The following RPGRIP1L variants were observed in gnomAD, a reference collection of about 807,000 sequenced individuals.
RPGRIP1L encodes RPGRIP1 like.
RPGRIP1L carries 131 observed loss-of-function variants against 160.4 expected under a neutral mutation model. That is an observed-to-expected ratio of 0.82 (90% CI 0.71 to 0.94). The LOEUF is 0.94. Ranked by LOEUF, RPGRIP1L falls within the 40% of genes least tolerant of loss-of-function variation. The probability of loss-of-function intolerance (pLI) is 0.00; values close to 1 mark genes in which losing one functional copy is unlikely to be tolerated. For missense variants in RPGRIP1L, 1,522 were observed against 1,535.8 expected (o/e 0.99, Z 0.15); for synonymous variants, 510 against 515.8 (o/e 0.99, Z 0.15).
chr16:53,624,213 C>A (rs1188454849), intron 22 of RPGRIP1L, among the ~76,000 whole-genome samples: 1 of 152,092 alleles, frequency 6.6e-6, no homozygotes, highest in Non-Finnish European at 1.5e-5. Context: ...TTATTTATTG[C>A]CAGAACTATG....
chr16:53,602,152 T>C lies in RPGRIP1L; in HGVS notation c.3872A>G (p.Lys1291Arg). ...GAGAGCTTCGACTGTTACCCTGAGC[T>C]TGCCAATACCTTCACCATCTGCTCG... ...DARADGEGIG[K>R]LRVTVEALHA... Residue 1291 changes from lysine to arginine, a missense_variant, in exon 27 of 27, where the codon AAG becomes AGG. Physicochemically the swap from Lys to Arg is conservative, Grantham distance 26. Transcript: ENST00000647211. 6.2e-7 allele frequency: 1 copy of C among 1,613,910 alleles called. No homozygotes were observed.
intron 6 of RPGRIP1L, among the ~76,000 whole-genome samples, chr16:53,681,838 G>A (rs941754814): frequency 2.0e-5 from 3 of 152,164 alleles, no homozygotes; most frequent in Non-Finnish European, 4.4e-5. Flanking sequence ...TTACAACTAC[G>A]TTAGGTTCAT....
intron 9 of RPGRIP1L, among the ~76,000 whole-genome samples, chr16:53,669,935 G>A (rs1209806363): frequency 6.6e-6 from 1 of 152,010 alleles, no homozygotes; most frequent in Non-Finnish European, 1.5e-5. Flanking sequence ...GTGTGACTCT[G>A]CACAAGTCTT....
chr16:53,603,211 C>T (rs572295863), intron 26 of RPGRIP1L, among the ~76,000 whole-genome samples: 4 of 152,280 alleles, frequency 2.6e-5, no homozygotes, highest in East Asian at 3.9e-4. Flanking sequence ...AATGGGATGC[C>T]GATTCAATAC....
chr16:53,648,060 C>T (rs989886700), intron 16 of RPGRIP1L, among the ~76,000 whole-genome samples: 3 of 144,814 alleles, frequency 2.1e-5, no homozygotes, highest in Non-Finnish European at 3.0e-5. Flanking sequence ...GCAGAGATCA[C>T]GCCACTGCAC....
intron 1 of RPGRIP1L, 21 bp downstream of exon 1, chr16:53,703,782 C>T (rs918289951): frequency 8.6e-6 from 3 of 348,422 alleles, no homozygotes; most frequent in African/African-American, 2.1e-5. Flanking sequence ...CTCATCCTCC[C>T]CCATCCTCCC....
chr16:53,660,158 G>A (rs545991386), intron 10 of RPGRIP1L, among the ~76,000 whole-genome samples: 36 of 152,092 alleles, frequency 2.4e-4, no homozygotes, highest in Admixed American at 9.2e-4. Context: ...ATAATCTCAC[G>A]TACTTAAGTG....
At chr16:53,686,192 C>G (rs1460835769) in intron 6 of RPGRIP1L, among the ~76,000 whole-genome samples, 2 of 152,108 alleles carry the variant, frequency 1.3e-5, no homozygotes, top group Admixed American at 1.3e-4. Flanking sequence ...ACATAGAAAA[C>G]AAGATGAGGG....
At chr16:53,665,320 C>T (rs1444962874) in intron 9 of RPGRIP1L, among the ~76,000 whole-genome samples, 3 of 152,138 alleles carry the variant, frequency 2.0e-5, no homozygotes, top group African/African-American at 7.2e-5. Context: ...CCAGAGGAAT[C>T]CACAATTCCA....
In RPGRIP1L at chr16:53,703,826, C is replaced by T. The variant is rs1052262878; in HGVS notation, c.-31G>A. ...ACCGTGCCACTGGCCCTGCAGCTAGCTACCGTTGCTATAGCGCCGACAGCG... is the reference window on the plus strand; with the variant it reads ...ACCGTGCCACTGGCCCTGCAGCTAGTTACCGTTGCTATAGCGCCGACAGCG... On this transcript the variant is annotated 5_prime_UTR_variant, in exon 1 of 27. Coordinates refer to ENST00000647211, the MANE Select transcript of RPGRIP1L (RefSeq NM_015272.5). 6.9e-6 allele frequency: 3 copies of T among 435,858 alleles called. No homozygotes were observed. Among genetic ancestry groups the T allele is most frequent in the African/African-American group, 6.0e-5 (3 of 49,984 alleles). 27.0% of individuals were successfully genotyped at this position (435,858 alleles called of 1,614,324 possible).
chr16:53,693,389 T>C (rs188679209), intron 3 of RPGRIP1L: 2 of 152,284 alleles, frequency 1.3e-5, no homozygotes, highest in East Asian at 3.9e-4. Context: ...AAAAGTGAAA[T>C]AAAAAAACCT....
chr16:53,647,914 C>A (rs1372704070), intron 16 of RPGRIP1L, among the ~76,000 whole-genome samples: 1 of 151,642 alleles, frequency 6.6e-6, no homozygotes, highest in African/African-American at 2.4e-5. Context: ...GACCATCCTG[C>A]CTAACACAGT....
chr16:53,641,606 C>G, intron 17 of RPGRIP1L, 131 bp from the exon 18 acceptor site: 2 of 791,478 alleles, frequency 2.5e-6, no homozygotes, highest in Middle Eastern at 3.6e-4. Context: ...GTGGTTGTAC[C>G]CCCTACTTTA....
chr16:53,612,913 T>C lies in RPGRIP1L; in HGVS notation c.3617-1862A>G, dbSNP rs1184642092. ...TCATTAATCAATAACTTTCCATTCT[T>C]CCCTCTTCTCAGCCCCTGGTAACCA... On this transcript the variant is annotated intron_variant, in intron 24 of 26. Transcript: ENST00000647211. Among the ~76,000 whole-genome samples the C allele has an allele frequency of 4.6e-5, 7 of 152,284 alleles. No homozygotes were observed. The South Asian group carries it at 1.0e-3, about 23-fold the overall frequency.
chr16:53,646,517 T>A (rs757465133), intron 16 of RPGRIP1L, among the ~76,000 whole-genome samples: 4 of 151,928 alleles, frequency 2.6e-5, no homozygotes, highest in African/African-American at 4.8e-5. Context: ...GAGACAAACC[T>A]TGAAGGGAAA....
At position 53,657,492 on chromosome 16, in the gene RPGRIP1L, G is replaced by A. The variant is rs750711521; in HGVS notation, c.1542C>T (p.Asn514=). The change falls in exon 13 of 27, where the codon AAC becomes AAT. Residue 514 remains asparagine, a synonymous_variant. Coordinates refer to ENST00000647211, the MANE Select transcript of RPGRIP1L (RefSeq NM_015272.5). ...TAATTTTGTGTTGCATAATTAGCAT[G>A]TTTCTTGTCTTTTCCAGCTCTTGCA... ...ETVQELEKTR[N]MLIMQHKINK... 18 of 1,612,822 alleles carry A rather than the reference G, an allele frequency of 1.1e-5. No homozygotes were observed. The South Asian group carries it at 1.9e-4, about 17-fold the overall frequency.
chr16:53,619,164 A>C lies in RPGRIP1L; in HGVS notation c.3477T>G (p.Asn1159Lys). Residue 1159 changes from asparagine to lysine, a missense_variant, in exon 24 of 27, where the codon AAT becomes AAG. Physicochemically the swap from Asn to Lys is moderately conservative, Grantham distance 94. Coordinates refer to ENST00000647211, the MANE Select transcript of RPGRIP1L (RefSeq NM_015272.5). The stretch of plus-strand genomic sequence containing the variant: ...TGTCATCCATGGTTACTTGAGAATC[A>C]TTAAGGCTTAGAGCTATGATCTCAA... The part of the protein sequence containing the change: ...IRIEIIALSL[N>K]DSQVTMDDTI... 6.2e-7 allele frequency: 1 copy of C among 1,614,010 alleles called. No homozygotes were observed. Among genetic ancestry groups the C allele is most frequent in the Non-Finnish European group, 8.5e-7 (1 of 1,180,036 alleles).
intron 24 of RPGRIP1L, among the ~76,000 whole-genome samples, chr16:53,616,265 G>A (rs1430032280): frequency 2.0e-5 from 3 of 152,144 alleles, no homozygotes; most frequent in South Asian, 2.1e-4. Context: ...ATCAGGTAAC[G>A]AGTGAATGGT....
chr16:53,608,559 C>A (rs560710512), intron 25 of RPGRIP1L, among the ~76,000 whole-genome samples: 1 of 152,218 alleles, frequency 6.6e-6, no homozygotes, highest in African/African-American at 2.4e-5. Flanking sequence ...TAAAGTGACA[C>A]GTGTATATTT....
Sources: allele counts gnomAD v4.1 joint callset (sites outside exome capture counted in the v4.1 genomes callset), GRCh38; gene constraint gnomAD v4.1.1; transcripts MANE v1.5; gene names NCBI Gene and HGNC (gene_info 2026-07-23, HGNC 2026-07-21).